Variants in DHX36 observed in about 807,000 individuals in gnomAD.
The protein encoded by DHX36 is ATP-dependent DNA/RNA helicase DHX36.
DHX36 carries 50 observed loss-of-function variants against 139.0 expected under a neutral mutation model. The ratio of observed to expected loss-of-function variants is 0.36; its 90% CI spans 0.29 to 0.46. The LOEUF (loss-of-function observed/expected upper bound fraction) is 0.46. Among genes scored for constraint, DHX36 ranks in the 20% least tolerant of loss-of-function variants. The pLI, the probability that DHX36 is intolerant of heterozygous loss-of-function variation, is 1.00. For synonymous variants in DHX36, 425 were observed against 401.9 expected (o/e 1.06, Z -0.69); for missense variants, 1,024 against 1,211.3 (o/e 0.85, Z 2.29).
In DHX36 at chr3:154,284,569, T is replaced by A. The variant is rs780768054; in HGVS notation, c.2292+14A>T. The A allele has an allele frequency of 1.9e-4, 125 of 675,318 alleles. No individual in the cohort carries two copies. Among genetic ancestry groups the A allele is most frequent in the Middle Eastern group, 3.2e-4 (1 of 3,094 alleles). 41.8% of individuals were successfully genotyped at this position (675,318 alleles called of 1,614,324 possible). A position where few individuals can be genotyped will look rare whatever the true frequency, so the allele number is the denominator to read the frequency against. ...TAAACTATCATAATCCAGGACAAAATTTTTTTTTTTTACCTCAAACGCATT... is the reference window on the plus strand; with the variant it reads ...TAAACTATCATAATCCAGGACAAAAATTTTTTTTTTTACCTCAAACGCATT... On this transcript the variant is annotated intron_variant, in intron 19 of 24. Coordinates refer to ENST00000496811, the MANE Select transcript of DHX36 (RefSeq NM_020865.3).
At position 154,284,867 on chromosome 3, in the gene DHX36, C is replaced by T. The variant is rs1194332211; in HGVS notation, c.2152G>A (p.Val718Ile). The T allele has an allele frequency of 3.1e-6, 5 of 1,614,096 alleles. No individual in the cohort carries two copies. The highest frequency in any genetic ancestry group is 4.2e-6 in the Non-Finnish European group (5 of 1,180,014). Residue 718 changes from valine to isoleucine, a missense_variant, in exon 18 of 25, where the codon GTA becomes ATA. Val to Ile is a conservative substitution (Grantham distance 29). Transcript: ENST00000496811. The part of the protein sequence containing the change: ...FGALFCCLDP[V>I]LTIAASLSFK... Reference sequence around the variant, plus strand: ...CTGAGACTAGCAGCAATAGTGAGTACTGGGTCTAAGCAGCAGAACAGTGCT... The same window carrying T: ...CTGAGACTAGCAGCAATAGTGAGTATTGGGTCTAAGCAGCAGAACAGTGCT...
chr3:154,299,968 A>C, intron 11 of DHX36, 43 bp from the exon 12 acceptor site: 1 of 1,333,362 alleles, frequency 7.5e-7, no homozygotes, highest in Non-Finnish European at 1.1e-6. Context: ...TCACATCAAC[A>C]AAATGCAGTA....
In DHX36 at chr3:154,306,210, T is replaced by G; in HGVS notation, c.893+6A>C. The stretch of plus-strand genomic sequence containing the variant: ...TGCCTGTATATAAGAAGTGAACATT[T>G]CTTACCTCTGGAGACGAATTTGATA... On this transcript the variant is annotated splice_donor_region_variant and intron_variant, in intron 6 of 24. Transcript: ENST00000496811. 1.2e-6 allele frequency: 2 copies of G among 1,608,876 alleles called. No individual in the cohort carries two copies. Among genetic ancestry groups the G allele is most frequent in the Non-Finnish European group, 1.7e-6 (2 of 1,175,720 alleles).
intron 8 of DHX36, among the ~76,000 whole-genome samples, chr3:154,304,134 T>A (rs145707331): frequency 0.028 from 4,275 of 152,334 alleles, 86 homozygotes; most frequent in Non-Finnish European, 0.044. Flanking sequence ...CTGGGATGTA[T>A]TTTAAAGGAC....
At chr3:154,305,857 TA>T (rs1422180684) in intron 6 of DHX36, among the ~76,000 whole-genome samples, 1 of 152,120 alleles carries the variant, frequency 6.6e-6, no homozygotes, top group African/African-American at 2.4e-5. Flanking sequence ...TGGAGTTGGA[TA>T]GGGGGTTAAG....
rs889218788 is a variant in DHX36, at chr3:154,284,435, C to T, written c.2292+148G>A. The T allele has an allele frequency of 1.6e-5, 10 of 628,888 alleles. No individual in the cohort carries two copies. In the African/African-American group the frequency reaches 1.9e-4, roughly 12 times the overall value. The allele number at this position is 628,888 out of a possible 1,614,324, so 39.0% of individuals were successfully genotyped here. On this transcript the variant is annotated intron_variant, in intron 19 of 24. Transcript: ENST00000496811. ...ACTTCAGGTGATACACCTGCCTCAG[C>T]CTCCCAAAGTGCTATGATTACAGGC...
rs535308255 is a variant in DHX36 at position 154,272,914 on chromosome 3, T to C, written c.*3257A>G. The stretch of plus-strand genomic sequence containing the variant: ...GGACTTTGTTTTAAAAATGCAGTAA[T>C]AGAGAATGCCTTGCAACAATTGGTG... On this transcript the variant is annotated 3_prime_UTR_variant, in exon 25 of 25. Coordinates refer to ENST00000496811, the MANE Select transcript of DHX36 (RefSeq NM_020865.3). 6.6e-6 allele frequency: 1 copy of C among 152,274 alleles called. No homozygotes were observed. The highest frequency in any genetic ancestry group is 6.5e-5 in the Admixed American group (1 of 15,294). The allele number at this position is 152,274 out of a possible 1,614,324, so 9.4% of individuals were successfully genotyped here.
chr3:154,283,078 T>C, intron 20 of DHX36, 110 bp downstream of exon 20: 1 of 745,896 alleles, frequency 1.3e-6, no homozygotes, highest in Non-Finnish European at 2.4e-6. Flanking sequence ...ACAAATATAC[T>C]CAATTTCCAT....
At chr3:154,311,705 C>T in intron 3 of DHX36, 31 bp from the exon 4 acceptor site, 2 of 1,553,362 alleles carry the variant, frequency 1.3e-6, no homozygotes, top group Non-Finnish European at 8.8e-7. Context: ...TAAATTTTCA[C>T]AGAAGATATG....
At chr3:154,305,006 AC>A (rs761873479) in intron 7 of DHX36, 34 bp from the exon 8 acceptor site, 660 of 1,596,162 alleles carry the variant, frequency 4.1e-4, no homozygotes, top group Non-Finnish European at 5.3e-4. Flanking sequence ...AAATTTTAAA[AC>A]CATTTTTCTT....
intron 1 of DHX36, among the ~76,000 whole-genome samples, chr3:154,319,951 A>C (rs1713127827): frequency 6.6e-6 from 1 of 152,128 alleles, no homozygotes; most frequent in African/African-American, 2.4e-5. Flanking sequence ...CAGCAAAACT[A>C]CTGGAAAATG....
Position 154,304,837 on chromosome 3 carries a change from T to C in DHX36, c.1104A>G (p.Thr368=), listed in dbSNP as rs754777911. The change falls in exon 8 of 25, where the codon ACA becomes ACG. Residue 368 remains threonine (T), a synonymous_variant. Transcript: ENST00000496811. ...ATTCTGAAAACTTTTCTGCATTCAA[T>C]GTTGCACTCATCAATATTACTTTCA... ...SDLKVILMSA[T]LNAEKFSEYF... The C allele has an allele frequency of 3.5e-5, 56 of 1,601,188 alleles. No individual in the cohort carries two copies. Among genetic ancestry groups the C allele is most frequent in the Non-Finnish European group, 4.5e-5 (53 of 1,175,818 alleles).
intron 1 of DHX36, among the ~76,000 whole-genome samples, chr3:154,323,935 C>T (rs1032461288): frequency 6.6e-6 from 1 of 152,188 alleles, no homozygotes; most frequent in African/African-American, 2.4e-5. Flanking sequence ...TTCTCAAGTC[C>T]TTTAAGCAAA....
At chr3:154,299,443 A>G (rs1358343473) in intron 12 of DHX36, among the ~76,000 whole-genome samples, 2 of 152,178 alleles carry the variant, frequency 1.3e-5, no homozygotes, top group African/African-American at 4.8e-5. Context: ...TACAGGATCA[A>G]AATCACTTGA....
chr3:154,292,293 C>A (rs1711853421), intron 15 of DHX36, among the ~76,000 whole-genome samples: 1 of 151,992 alleles, frequency 6.6e-6, no homozygotes. Context: ...AAATGAAAAC[C>A]AACTATTATA....
At chr3:154,324,106 A>G (rs1576888260) in intron 1 of DHX36, 68 bp downstream of exon 1, 3 of 1,467,854 alleles carry the variant, frequency 2.0e-6, no homozygotes, top group Non-Finnish European at 2.8e-6. Flanking sequence ...ACCAAGAAAA[A>G]GGGGGCAGCG....
chr3:154,323,041 A>G (rs1713254476), intron 1 of DHX36, among the ~76,000 whole-genome samples: 1 of 152,242 alleles, frequency 6.6e-6, no homozygotes, highest in South Asian at 2.1e-4. Context: ...ACGGTTTAAA[A>G]ATAGTAGTCT....
Position 154,311,628 on chromosome 3 carries a change from C to T in DHX36, c.642+8G>A. ...AATCAAATTAAATAGTGGAAAAAAGCACTTTACCTTTTGCATTCCATACGA... is the reference window on the plus strand; with the variant it reads ...AATCAAATTAAATAGTGGAAAAAAGTACTTTACCTTTTGCATTCCATACGA... On this transcript the variant is annotated splice_region_variant and intron_variant, in intron 4 of 24. Transcript: ENST00000496811. 6.3e-7 allele frequency: 1 copy of T among 1,594,024 alleles called. No individual in the cohort carries two copies. Among genetic ancestry groups the T allele is most frequent in the Non-Finnish European group, 8.5e-7 (1 of 1,173,906 alleles).
At chr3:154,304,752 TTTAA>T in intron 8 of DHX36, 50 bp downstream of exon 8, 1 of 1,356,718 alleles carries the variant, frequency 7.4e-7, no homozygotes, top group Middle Eastern at 2.7e-4. Context: ...TATTAATTTT[TTTAA>T]TTGTTTTTCT....
Sources: gnomAD v4.1 joint callset for allele counts (sites outside exome capture counted in the v4.1 genomes callset) on GRCh38, gnomAD v4.1.1 for gene constraint, MANE v1.5 for transcripts, NCBI Gene and HGNC (gene_info 2026-07-23, HGNC 2026-07-21) for gene names.